The following EML4 variants were observed in gnomAD, a reference collection of about 807,000 sequenced individuals.
EML4 encodes the protein EMAP like 4.
EML4 carries 72 observed loss-of-function variants against 129.0 expected under a neutral mutation model. That is an observed-to-expected ratio of 0.56 (90% CI 0.46 to 0.68). EML4 has a LOEUF of 0.68. EML4 is among the 30% of genes least tolerant of loss of function. The pLI is 0.00. For synonymous variants in EML4, 532 were observed against 405.0 expected, an observed-to-expected ratio of 1.31 and a Z score of -3.77; for missense variants, 1,363 against 1,190.6, an observed-to-expected ratio of 1.14 and a Z score of -2.13.
At chr2:42,295,830 G>T (rs375562912) in intron 13 of EML4, among the ~76,000 whole-genome samples, 1 of 152,148 alleles carries the variant, frequency 6.6e-6, no homozygotes, top group South Asian at 2.1e-4. Flanking sequence ...GCTGGTTCTG[G>T]GATATCTGTT....
At chr2:42,317,898 T>C (rs1669329703) in intron 19 of EML4, among the ~76,000 whole-genome samples, 1 of 152,216 alleles carries the variant, frequency 6.6e-6, no homozygotes, top group South Asian at 2.1e-4. Flanking sequence ...TACAACATCC[T>C]ATATCACTTC....
chr2:42,321,449 G>A (rs1290763572), intron 19 of EML4, among the ~76,000 whole-genome samples: 1 of 151,968 alleles, frequency 6.6e-6, no homozygotes, highest in Non-Finnish European at 1.5e-5. Flanking sequence ...TTTAAAAGAG[G>A]CCATCAAGAA....
intron 1 of EML4, among the ~76,000 whole-genome samples, chr2:42,241,740 A>C: frequency 1.3e-5 from 2 of 152,214 alleles, no homozygotes; most frequent in Admixed American, 1.3e-4. Flanking sequence ...AATAAAAGGC[A>C]CATAAGGTGA....
Position 42,328,763 on chromosome 2 carries a change from A to G in EML4, c.2342-123A>G, listed in dbSNP as rs182488802. On this transcript the variant is annotated intron_variant, in intron 21 of 22. Coordinates refer to ENST00000318522, the MANE Select transcript of EML4 (RefSeq NM_019063.5). ...CTGAGAAATTTGTAAAGGAAATGTT[A>G]ACAGCTAAGAGTTTGAACATAGATA... 40 of 714,692 alleles carry G rather than the reference A, an allele frequency of 5.6e-5. No individual in the cohort carries two copies. In the East Asian group the frequency reaches 1.2e-3, roughly 22 times the overall value. 44.3% of individuals were successfully genotyped at this position (714,692 alleles called of 1,614,324 possible).
chr2:42,257,345 C>T lies in EML4; in HGVS notation c.338+715C>T, dbSNP rs941844131. On this transcript the variant is annotated intron_variant, in intron 3 of 22. Coordinates refer to ENST00000318522, the MANE Select transcript of EML4 (RefSeq NM_019063.5). Reference sequence around the variant, plus strand: ...GTGATCAGCTACAAAATCTTAAAACCGTTTTCTTCAAAGAATGAGTGAGGA... The same window carrying T: ...GTGATCAGCTACAAAATCTTAAAACTGTTTTCTTCAAAGAATGAGTGAGGA... 2.6e-5 allele frequency among the ~76,000 whole-genome samples: 4 copies of T among 152,146 alleles called. No homozygotes were observed. The East Asian group carries it at 5.8e-4, about 22-fold the overall frequency.
intron 8 of EML4, 72 bp from the exon 9 acceptor site, chr2:42,284,562 A>C: frequency 9.9e-7 from 1 of 1,013,162 alleles, no homozygotes. Context: ...TTATTTGAAA[A>C]ATGTCAGTAC....
chr2:42,277,312 G>A (rs1046040953), intron 6 of EML4, among the ~76,000 whole-genome samples: 8 of 152,138 alleles, frequency 5.3e-5, no homozygotes, highest in Admixed American at 1.3e-4. Flanking sequence ...ATAAGGACAA[G>A]GAAATACAGA....
chr2:42,183,492 A>T (rs1202824026), intron 1 of EML4, among the ~76,000 whole-genome samples: 3 of 152,214 alleles, frequency 2.0e-5, no homozygotes, highest in Non-Finnish European at 4.4e-5. Context: ...GATACAAAAC[A>T]GGTAGTTACA....
chr2:42,324,053 G>C (rs2103821466), intron 19 of EML4, among the ~76,000 whole-genome samples: 1 of 152,290 alleles, frequency 6.6e-6, no homozygotes, highest in East Asian at 1.9e-4. Flanking sequence ...CCAGCACTTT[G>C]GGAGGCTGAG....
At chr2:42,245,856 A>T (rs147055588) in intron 2 of EML4, among the ~76,000 whole-genome samples, 169 bp downstream of exon 2, 12 of 152,138 alleles carry the variant, frequency 7.9e-5, no homozygotes, top group Non-Finnish European at 1.2e-4. Flanking sequence ...ATTCTTTATT[A>T]TTTAAAATAA....
At chr2:42,273,531 A>G (rs1034147987) in intron 6 of EML4, among the ~76,000 whole-genome samples, 8 of 152,160 alleles carry the variant, frequency 5.3e-5, no homozygotes, top group African/African-American at 1.2e-4. Context: ...TGCACAAGAC[A>G]TGGTTATGTC....
chr2:42,211,838 TTTTC>T (rs1294978657), intron 1 of EML4, among the ~76,000 whole-genome samples: 20 of 152,002 alleles, frequency 1.3e-4, no homozygotes, highest in Admixed American at 1.1e-3. Context: ...CCCACTTTCT[TTTTC>T]TTTCTTTCTT....
At chr2:42,315,580 A>G (rs1398746306) in intron 17 of EML4, among the ~76,000 whole-genome samples, 1 of 152,226 alleles carries the variant, frequency 6.6e-6, no homozygotes, top group African/African-American at 2.4e-5. Context: ...TTAAAAGTAA[A>G]AAAATAGACC....
chr2:42,247,580 G>A (rs1675494033), intron 2 of EML4, among the ~76,000 whole-genome samples: 1 of 152,096 alleles, frequency 6.6e-6, no homozygotes, highest in Admixed American at 6.6e-5. Flanking sequence ...CAATGACAAA[G>A]GACAAGGGGC....
At chr2:42,329,046 A>T in intron 22 of EML4, 30 bp downstream of exon 22, 1 of 1,598,110 alleles carries the variant, frequency 6.3e-7, no homozygotes, top group African/African-American at 1.3e-5. Flanking sequence ...AACTAATGTT[A>T]TAAGGCCTTC....
intron 1 of EML4, among the ~76,000 whole-genome samples, chr2:42,205,225 G>A (rs1427671205): frequency 2.0e-5 from 3 of 152,262 alleles, no homozygotes; most frequent in African/African-American, 7.2e-5. Flanking sequence ...TAGAATTTTA[G>A]TATAAGTTGG....
rs1204038671 is a variant in EML4, at chr2:42,312,274, A to C, written c.1968-3688A>C. 5.4e-5 allele frequency among the ~76,000 whole-genome samples: 8 copies of C among 148,478 alleles called. No homozygotes were observed. The South Asian group carries it at 1.6e-3, about 29-fold the overall frequency. ...AAAATAAAATTCTAAGCCCCCCCCC[A>C]CCATCGTCCCTGCCAGGGCATTCCA... is the stretch of plus-strand genomic sequence containing the variant. On this transcript the variant is annotated intron_variant, in intron 17 of 22. Transcript: ENST00000318522.
intron 1 of EML4, among the ~76,000 whole-genome samples, chr2:42,209,987 C>T (rs568034927): frequency 1.3e-5 from 2 of 152,040 alleles, no homozygotes; most frequent in Non-Finnish European, 2.9e-5. Context: ...TCATTTAGAA[C>T]AGTTTTACAT....
rs185359420 is a variant in EML4 at position 42,309,215 on chromosome 2, G to T, written c.1967+4664G>T. ...GAGCCTAGGAGTTTGAGACCAACCT[G>T]GGCAATATAGCAAGACCTTGCCTCT... On this transcript the variant is annotated intron_variant, in intron 17 of 22. Coordinates refer to ENST00000318522, the MANE Select transcript of EML4 (RefSeq NM_019063.5). Among the ~76,000 whole-genome samples, 313 of 151,842 alleles carry T rather than the reference G, an allele frequency of 2.1e-3. 1 individual carries two copies. The highest frequency in any genetic ancestry group is 3.1e-3 in the Non-Finnish European group (213 of 67,940).
Sources: allele counts gnomAD v4.1 joint callset (sites outside exome capture counted in the v4.1 genomes callset), GRCh38; gene constraint gnomAD v4.1.1; transcripts MANE v1.5; gene names NCBI Gene and HGNC (gene_info 2026-07-23, HGNC 2026-07-21).